Variants in APBA1 observed in about 807,000 individuals in gnomAD.
APBA1 encodes the protein amyloid beta precursor protein binding family A member 1, also known as amyloid-beta A4 precursor protein-binding family A member 1.
In APBA1, 55 loss-of-function variants were observed where a neutral mutation model predicts 86.6. The ratio of observed to expected loss-of-function variants is 0.64; its 90% CI spans 0.51 to 0.80. The LOEUF is 0.80. Among genes scored for constraint, APBA1 ranks in the 30% least tolerant of loss-of-function variants. The probability of loss-of-function intolerance (pLI) is 0.00; values close to 1 mark genes in which losing one functional copy is unlikely to be tolerated. For synonymous variants in APBA1, 511 were observed against 493.9 expected (o/e 1.03, Z -0.46); for missense variants, 1,090 against 1,183.0 (o/e 0.92, Z 1.15).
At chr9:69,578,009 C>T (rs1229660181) in intron 1 of APBA1, among the ~76,000 whole-genome samples, 1 of 152,164 alleles carries the variant, frequency 6.6e-6, no homozygotes, top group Admixed American at 6.5e-5. Flanking sequence ...CCTCTCAGCT[C>T]ACCTAAAATG....
At chr9:69,500,227 G>A (rs907163776) in intron 2 of APBA1, among the ~76,000 whole-genome samples, 34 of 152,196 alleles carry the variant, frequency 2.2e-4, no homozygotes, top group Admixed American at 2.1e-3. Flanking sequence ...AGAGGGTGAG[G>A]AAGGGCTACT....
At chr9:69,514,628 G>T (rs1008622577) in intron 2 of APBA1, among the ~76,000 whole-genome samples, 2 of 151,504 alleles carry the variant, frequency 1.3e-5, no homozygotes, top group African/African-American at 4.9e-5. Flanking sequence ...GCAGAAACCG[G>T]CCAGGTGCTG....
rs78351356 is a variant in APBA1, at chr9:69,652,390, G to T, written c.-70+19763C>A. Among the ~76,000 whole-genome samples the T allele has an allele frequency of 5.9e-4, 90 of 152,188 alleles. 3 individuals carry two copies. In the East Asian group the frequency reaches 0.016, roughly 28 times the overall value. On this transcript the variant is annotated intron_variant, in intron 1 of 12. Coordinates refer to ENST00000265381, the MANE Select transcript of APBA1 (RefSeq NM_001163.4). ...GGGCAAAATAGGGGTACAGGGAGGG[G>T]GATATGTTGGGAGCAAAAGGCATGT...
chr9:69,442,657 C>T (rs1398056653), intron 10 of APBA1, among the ~76,000 whole-genome samples: 2 of 152,254 alleles, frequency 1.3e-5, no homozygotes, highest in South Asian at 4.1e-4. Context: ...GGAAAGAGGA[C>T]CTGTAAAGAA....
At chr9:69,637,412 T>C (rs1428783494) in intron 1 of APBA1, among the ~76,000 whole-genome samples, 1 of 152,166 alleles carries the variant, frequency 6.6e-6, no homozygotes, top group Non-Finnish European at 1.5e-5. Flanking sequence ...ATGCCTGAGG[T>C]GATGGATAGC....
chr9:69,572,275 T>C (rs1350807161), intron 1 of APBA1, among the ~76,000 whole-genome samples: 1 of 152,118 alleles, frequency 6.6e-6, no homozygotes, highest in East Asian at 1.9e-4. Context: ...CAGTGTGTGT[T>C]TTCCCCTCCG....
intron 3 of APBA1, 92 bp from the exon 4 acceptor site, chr9:69,471,787 T>C: frequency 9.9e-7 from 1 of 1,006,514 alleles, no homozygotes; most frequent in Non-Finnish European, 1.5e-6. Context: ...AATAAATACA[T>C]AATCAGTGGC....
chr9:69,450,909 A>G (rs899348110), intron 9 of APBA1, among the ~76,000 whole-genome samples: 1 of 152,210 alleles, frequency 6.6e-6, no homozygotes, highest in African/African-American at 2.4e-5. Context: ...GCCATCTACA[A>G]GCCAGAGAAA....
intron 1 of APBA1, among the ~76,000 whole-genome samples, chr9:69,526,105 T>G (rs1836338138): frequency 6.6e-6 from 1 of 152,078 alleles, no homozygotes; most frequent in African/African-American, 2.4e-5. Context: ...ACTATAAGAC[T>G]TCTAGAAGAA....
intron 2 of APBA1, among the ~76,000 whole-genome samples, chr9:69,502,431 T>C (rs1835893686): frequency 6.6e-6 from 1 of 152,062 alleles, no homozygotes; most frequent in Non-Finnish European, 1.5e-5. Flanking sequence ...TTTTCCTTGA[T>C]TGAAATGAAT....
rs187650923 is a variant in APBA1 at position 69,524,963 on chromosome 9, G to A, written c.-69-7684C>T. Among the ~76,000 whole-genome samples, 4 of 152,242 alleles carry A rather than the reference G, an allele frequency of 2.6e-5. No individual in the cohort carries two copies. The East Asian group carries it at 7.7e-4, about 29-fold the overall frequency. The stretch of plus-strand genomic sequence containing the variant: ...ATAAATGTGGATCACCACATAAACA[G>A]AATTGAAAACCAAAACTATATGATC... On this transcript the variant is annotated intron_variant, in intron 1 of 12. Coordinates refer to ENST00000265381, the MANE Select transcript of APBA1 (RefSeq NM_001163.4).
intron 10 of APBA1, among the ~76,000 whole-genome samples, chr9:69,444,617 T>C (rs767570535): frequency 7.9e-5 from 12 of 152,232 alleles, no homozygotes; most frequent in Admixed American, 2.0e-4. Flanking sequence ...TAAATGTCTT[T>C]GCCTTTAACA....
intron 1 of APBA1, among the ~76,000 whole-genome samples, chr9:69,621,582 T>G (rs927375677): frequency 1.3e-5 from 2 of 152,238 alleles, no homozygotes; most frequent in Admixed American, 1.3e-4. Context: ...GAGCAAGTTA[T>G]TTATTCTCTT....
At chr9:69,465,754 G>A (rs970008673) in intron 5 of APBA1, among the ~76,000 whole-genome samples, 3 of 152,224 alleles carry the variant, frequency 2.0e-5, no homozygotes, top group Non-Finnish European at 2.9e-5. Context: ...ATCTCTTTGG[G>A]TAGGGGGTGG....
intron 1 of APBA1, among the ~76,000 whole-genome samples, chr9:69,556,405 A>G (rs1025170258): frequency 6.6e-6 from 1 of 152,148 alleles, no homozygotes; most frequent in Non-Finnish European, 1.5e-5. Flanking sequence ...GACTGGAGGA[A>G]GTCTGTGGTC....
chr9:69,625,807 T>C (rs1564095535), intron 1 of APBA1, among the ~76,000 whole-genome samples: 1 of 152,324 alleles, frequency 6.6e-6, no homozygotes, highest in East Asian at 1.9e-4. Flanking sequence ...AACCATCAAC[T>C]TGAATATACA....
At chr9:69,502,329 A>C (rs754755701) in intron 2 of APBA1, among the ~76,000 whole-genome samples, 3 of 152,078 alleles carry the variant, frequency 2.0e-5, no homozygotes, top group Non-Finnish European at 4.4e-5. Context: ...CGACAGGTGA[A>C]ACTCTAAAGA....
chr9:69,646,964 C>G (rs573428696), intron 1 of APBA1, among the ~76,000 whole-genome samples: 1 of 152,286 alleles, frequency 6.6e-6, no homozygotes, highest in African/African-American at 2.4e-5. Flanking sequence ...AATGGATTTT[C>G]AATTGCCTAT....
At chr9:69,664,245 A>G (rs1018212160) in intron 1 of APBA1, among the ~76,000 whole-genome samples, 1 of 152,230 alleles carries the variant, frequency 6.6e-6, no homozygotes, top group African/African-American at 2.4e-5. Flanking sequence ...TTTAACACCA[A>G]TTGAAGTAAA....
Sources: allele counts gnomAD v4.1 joint callset (sites outside exome capture counted in the v4.1 genomes callset), GRCh38; gene constraint gnomAD v4.1.1; transcripts MANE v1.5; gene names NCBI Gene and HGNC (gene_info 2026-07-23, HGNC 2026-07-21).